BANP: variants seen among roughly 807,000 people sequenced by gnomAD.
BANP encodes BTG3 associated nuclear protein.
Under a neutral mutation model 68.1 loss-of-function variants are expected in BANP, and 11 were observed. That is an observed-to-expected ratio of 0.16 (90% confidence interval 0.10 to 0.27). The LOEUF is 0.27. Ranked by LOEUF, BANP falls within the 10% of genes least tolerant of loss-of-function variation. BANP has a pLI of 1.00. For missense variants in BANP, 504 were observed against 722.7 expected, an observed-to-expected ratio of 0.70 and a Z score of 3.47; for synonymous variants, 329 against 303.2, an observed-to-expected ratio of 1.09 and a Z score of -0.88.
rs566850343 is a variant in BANP at position 87,957,555 on chromosome 16, G to T, written c.-69+6040G>T. The stretch of plus-strand genomic sequence containing the variant: ...AGGGCCCTGCGCTGACAAACCTTTC[G>T]CTAGTGACCAGTTACCTTCTGTGTC... On this transcript the variant is annotated intron_variant, in intron 1 of 13. Transcript: ENST00000682872. This position sits in a 1 kb window ranked among gnomAD's most constrained non-coding sequence, Gnocchi z 4.3. 6.6e-6 allele frequency among the ~76,000 whole-genome samples: 1 copy of T among 152,226 alleles called. No homozygotes were observed. The highest frequency in any genetic ancestry group is 1.5e-5 in the Non-Finnish European group (1 of 68,044).
chr16:88,071,962 G>A lies in BANP; in HGVS notation c.1378-107G>A. The A allele has an allele frequency of 1.4e-6, 2 of 1,449,952 alleles. No homozygotes were observed. Among genetic ancestry groups the A allele is most frequent in the Non-Finnish European group, 9.3e-7 (1 of 1,071,486 alleles). 89.8% of individuals were successfully genotyped at this position (1,449,952 alleles called of 1,614,324 possible). On this transcript the variant is annotated intron_variant, in intron 12 of 13. Transcript: ENST00000682872. This position sits in a 1 kb window ranked among gnomAD's most constrained non-coding sequence, Gnocchi z 6.5. Reference sequence around the variant, plus strand: ...CCTGAGGCCGTGTCCCTGCCGCTCAGGGGACAGCACGTGTGGGCTGGGGTC... The same window carrying A: ...CCTGAGGCCGTGTCCCTGCCGCTCAAGGGACAGCACGTGTGGGCTGGGGTC...
intron 12 of BANP, among the ~76,000 whole-genome samples, chr16:88,067,563 T>G (rs1323217222): frequency 6.6e-6 from 1 of 152,174 alleles, no homozygotes; most frequent in East Asian, 1.9e-4. Flanking sequence ...GGGTATTTTA[T>G]GCCAGAGTTT....
chr16:87,986,684 C>T (rs1318241968), intron 4 of BANP, among the ~76,000 whole-genome samples: 2 of 152,186 alleles, frequency 1.3e-5, no homozygotes, highest in African/African-American at 2.4e-5. Flanking sequence ...AGTCACAGAC[C>T]TGCCGTGGCA....
At chr16:87,950,070 G>A (rs531334263), upstream of BANP, among the ~76,000 whole-genome samples, 4 of 152,148 alleles carry the variant, frequency 2.6e-5, no homozygotes, top group South Asian at 8.3e-4. Flanking sequence ...GTAGAGACGG[G>A]GTTTCACCGT....
intron 1 of BANP, among the ~76,000 whole-genome samples, chr16:87,965,807 C>G (rs992406448): frequency 6.6e-6 from 1 of 152,180 alleles, no homozygotes; most frequent in African/African-American, 2.4e-5. Flanking sequence ...CCTGTAGACA[C>G]ATCACTTGGT....
intron 1 of BANP, among the ~76,000 whole-genome samples, chr16:87,966,291 A>G (rs1445852087): frequency 2.6e-5 from 4 of 151,320 alleles, no homozygotes; most frequent in African/African-American, 9.7e-5. Flanking sequence ...TGAGCCCTGC[A>G]TCTCTTGGTG....
intron 11 of BANP, among the ~76,000 whole-genome samples, chr16:88,041,435 A>G (rs1428015112): frequency 1.3e-5 from 2 of 152,132 alleles, no homozygotes; most frequent in African/African-American, 2.4e-5. Flanking sequence ...GTTTTCTTCA[A>G]ATTAAATATT....
chr16:88,023,675 A>G lies in BANP; in HGVS notation c.896-3808A>G, dbSNP rs182590388. 3.3e-5 allele frequency among the ~76,000 whole-genome samples: 5 copies of G among 152,316 alleles called. No homozygotes were observed. In the East Asian group the frequency reaches 7.7e-4, roughly 24 times the overall value. ...CTGGCTCTCTCATCTCGCTTCCCAC[A>G]GTGCCTCTCATGGCCCCACAGATGG... On this transcript the variant is annotated intron_variant, in intron 7 of 13. Transcript: ENST00000682872.
intron 10 of BANP, chr16:88,037,730 G>A (rs1198625647): frequency 1.4e-5 from 8 of 566,518 alleles, no homozygotes; most frequent in South Asian, 1.1e-4. Flanking sequence ...TTGGGGTCAG[G>A]GTAGGGGAAT....
intron 11 of BANP, among the ~76,000 whole-genome samples, chr16:88,042,753 A>G (rs2081130683): frequency 7.1e-6 from 1 of 141,484 alleles, no homozygotes; most frequent in Non-Finnish European, 1.5e-5. Flanking sequence ...CCCTGTCTCT[A>G]CAGAAAAAAA....
intron 12 of BANP, among the ~76,000 whole-genome samples, chr16:88,070,746 A>G (rs1177406012): frequency 6.6e-6 from 1 of 152,212 alleles, no homozygotes; most frequent in African/African-American, 2.4e-5. Context: ...ATGTGGCACA[A>G]AATATTTTTT....
intron 11 of BANP, among the ~76,000 whole-genome samples, chr16:88,039,005 G>A (rs558756370): frequency 8.5e-5 from 13 of 152,298 alleles, no homozygotes; most frequent in South Asian, 8.3e-4. Flanking sequence ...TCTCTGACCC[G>A]ACTGAGCCTG....
At chr16:87,951,325 G>C (rs1396229175), upstream of BANP, 3 of 152,000 alleles carry the variant, frequency 2.0e-5, no homozygotes, top group Non-Finnish European at 2.9e-5. Flanking sequence ...AGCGCGCGCA[G>C]CTGGCCTCAC....
At chr16:87,987,869 G>A (rs1403319393) in intron 4 of BANP, among the ~76,000 whole-genome samples, 2 of 151,878 alleles carry the variant, frequency 1.3e-5, no homozygotes, top group Non-Finnish European at 2.9e-5. Flanking sequence ...GGATTCAAGC[G>A]ATTCTCCCAC....
intron 11 of BANP, among the ~76,000 whole-genome samples, chr16:88,042,261 T>G (rs949945191): frequency 6.6e-6 from 1 of 152,204 alleles, no homozygotes; most frequent in Non-Finnish European, 1.5e-5. Context: ...ACCAGAGGCT[T>G]CATAAAGAGC....
At chr16:87,972,552 T>G (rs2061324185) in intron 1 of BANP, among the ~76,000 whole-genome samples, 1 of 152,338 alleles carries the variant, frequency 6.6e-6, no homozygotes, top group Non-Finnish European at 1.5e-5. Flanking sequence ...ATATTTGGCC[T>G]CAGTAGTTTC....
At chr16:87,958,107 T>G (rs1160948311) in intron 1 of BANP, among the ~76,000 whole-genome samples, 1 of 152,224 alleles carries the variant, frequency 6.6e-6, no homozygotes, top group Non-Finnish European at 1.5e-5. Flanking sequence ...ATTGGCCTGT[T>G]GTCTTACAAT....
chr16:87,997,794 A>G (rs1431466792), intron 4 of BANP, among the ~76,000 whole-genome samples: 1 of 152,290 alleles, frequency 6.6e-6, no homozygotes, highest in Admixed American at 6.5e-5. Flanking sequence ...CGAAGCACTC[A>G]GTACTCCTTG....
chr16:87,976,545 CCA>C (rs2062183985), intron 2 of BANP, among the ~76,000 whole-genome samples: 1 of 143,998 alleles, frequency 6.9e-6, no homozygotes, highest in Non-Finnish European at 1.5e-5. Flanking sequence ...GACCAGCCCA[CCA>C]CAGTTAAGTC....
Sources: gnomAD v4.1 joint callset for allele counts (sites outside exome capture counted in the v4.1 genomes callset) on GRCh38, gnomAD v4.1.1 for gene constraint, Gnocchi (gnomAD v3.1) non-coding constraint, MANE v1.5 for transcripts, NCBI Gene and HGNC (gene_info 2026-07-23, HGNC 2026-07-21) for gene names.